Variants in VKORC1 observed in about 807,000 individuals in gnomAD.
VKORC1 encodes the protein vitamin K epoxide reductase complex subunit 1.
VKORC1 carries 12 observed loss-of-function variants against 14.8 expected under a neutral mutation model. The observed-to-expected ratio is 0.81, with a 90% CI of 0.52 to 1.31. The LOEUF is 1.31. VKORC1 is among the 50% of genes most tolerant of loss of function. The pLI is 0.00. For missense variants in VKORC1, 223 were observed against 215.3 expected (o/e 1.04, Z -0.22); for synonymous variants, 94 against 92.5 (o/e 1.02, Z -0.09).
At chr16:31,094,278 C>G in intron 1 of VKORC1, 1 of 1,612,934 alleles carries the variant, frequency 6.2e-7, no homozygotes, top group Non-Finnish European at 8.5e-7. Context: ...TACCGCCATC[C>G]TGCCTCCCCG....
chr16:31,092,839 G>C, intron 2 of VKORC1: 9 of 1,149,000 alleles, frequency 7.8e-6, no homozygotes, highest in Non-Finnish European at 1.0e-5. Context: ...CTTGAGACCA[G>C]CCTGGGCAAC....
At chr16:31,093,990 C>A in intron 1 of VKORC1, 1 of 650,212 alleles carries the variant, frequency 1.5e-6, no homozygotes, top group Non-Finnish European at 2.5e-6. Flanking sequence ...AGGAGTGGGC[C>A]ACCGCGCCCG....
At position 31,094,667 on chromosome 16, in the gene VKORC1, C is replaced by T. The variant is rs1596798501; in HGVS notation, c.63G>A (p.Val21=). 6.2e-7 allele frequency: 1 copy of T among 1,607,844 alleles called. No homozygotes were observed. The highest frequency in any genetic ancestry group is 1.3e-5 in the African/African-American group (1 of 74,908). Residue 21 remains valine, a synonymous_variant, in exon 1 of 3, where the codon GTG becomes GTA. Coordinates refer to ENST00000394975, the MANE Select transcript of VKORC1 (RefSeq NM_024006.6). ...VRLALCLTGL[V]LSLYALHVKA... is the part of the protein sequence containing the mutation. ...TCACGTGCAGCGCGTAGAGCGAGAG[C>T]ACTAAGCCCGTCAGGCAAAGAGCGA...
chr16:31,093,753 C>A (rs1238721371), intron 1 of VKORC1: 2 of 294,684 alleles, frequency 6.8e-6, no homozygotes, highest in Non-Finnish European at 1.2e-5. Flanking sequence ...CTGGCCCAGG[C>A]TGGAGTGCAG....
intron 1 of VKORC1, 163 bp downstream of exon 1, chr16:31,094,394 G>A: frequency 6.2e-7 from 1 of 1,612,812 alleles, no homozygotes. Context: ...CTCTTATTTC[G>A]AACACCAGTA....
Position 31,094,190 on chromosome 16 carries a change from G to A in VKORC1, c.173+367C>T, listed in dbSNP as rs771315601. ...TGGCCATCACGCACAGCCAGACCGG[G>A]CCACCTTGTTCCTGGGCGCAGCCAT... On this transcript the variant is annotated intron_variant, in intron 1 of 2. Transcript: ENST00000394975. The A allele has an allele frequency of 7.6e-6, 12 of 1,585,880 alleles. No individual in the cohort carries two copies. The Admixed American group carries it at 1.0e-4, about 13-fold the overall frequency.
intron 1 of VKORC1, chr16:31,093,699 CT>C (rs71151446): frequency 3.2e-3 from 218 of 67,900 alleles, no homozygotes; most frequent in South Asian, 9.5e-3. Context: ...AAGTAAGTCT[CT>C]TTTTTTTTTT....
At chr16:31,094,087 C>G (rs909998596) in intron 1 of VKORC1, 20 of 1,376,102 alleles carry the variant, frequency 1.5e-5, no homozygotes, top group Non-Finnish European at 1.9e-5. Context: ...GGCAGATTAT[C>G]TTTGCCCTGG....
chr16:31,093,816 C>G (rs1188026018), intron 1 of VKORC1: 1 of 256,228 alleles, frequency 3.9e-6, no homozygotes, highest in Non-Finnish European at 7.2e-6. Context: ...AAGCGATTCT[C>G]CTGCCTTAGC....
Position 31,093,431 on chromosome 16 carries a change from G to T in VKORC1, c.174-10C>A, listed in dbSNP as rs766549609. 2 of 1,614,130 alleles carry T rather than the reference G, an allele frequency of 1.2e-6. No individual in the cohort carries two copies. Among genetic ancestry groups the T allele is most frequent in the South Asian group, 2.2e-5 (2 of 91,084 alleles). On this transcript the variant is annotated splice_polypyrimidine_tract_variant and intron_variant, in intron 1 of 2. Transcript: ENST00000394975. ...GAAACCCCTGCCCCACCTGGCAGAG[G>T]GGTGGGGTGGGGTGGAACCAGGTTA...
At position 31,091,356 on chromosome 16, in the gene VKORC1, G is replaced by T; in HGVS notation, c.284-14C>A. 1.2e-6 allele frequency: 2 copies of T among 1,610,424 alleles called. No individual in the cohort carries two copies. Among genetic ancestry groups the T allele is most frequent in the South Asian group, 1.1e-5 (1 of 90,644 alleles). Reference sequence around the variant, plus strand: ...TCCGCAGGCAACCTGCAAGGCAGAAGAGGGTCCGGTGTGGGCTTCAGGCAC... The same window carrying T: ...TCCGCAGGCAACCTGCAAGGCAGAATAGGGTCCGGTGTGGGCTTCAGGCAC... On this transcript the variant is annotated splice_polypyrimidine_tract_variant and intron_variant, in intron 2 of 2. Coordinates refer to ENST00000394975, the MANE Select transcript of VKORC1 (RefSeq NM_024006.6).
rs200917074 is a variant in VKORC1 at position 31,093,410 on chromosome 16, C to A, written c.185G>T (p.Gly62Val). The A allele has an allele frequency of 6.2e-7, 1 of 1,614,194 alleles. No individual in the cohort carries two copies. The highest frequency in any genetic ancestry group is 8.5e-7 in the Non-Finnish European group (1 of 1,180,030). The change falls in exon 2 of 3, where the codon GGT (glycine) becomes GTT (valine). Residue 62 changes from glycine to valine, a missense_variant. Transcript: ENST00000394975. ...SRVFSSRWGR[G>V]FGLVEHVLGQ... is the part of the protein sequence containing the mutation. ...CAGCACATGCTCCACCAGCCCGAAACCCCTGCCCCACCTGGCAGAGGGGTG... is the reference window on the plus strand; with the variant it reads ...CAGCACATGCTCCACCAGCCCGAAAACCCTGCCCCACCTGGCAGAGGGGTG...
chr16:31,094,453 C>T (rs1265084465), intron 1 of VKORC1, 104 bp downstream of exon 1: 3 of 1,612,844 alleles, frequency 1.9e-6, no homozygotes, highest in Admixed American at 3.3e-5. Flanking sequence ...GCAGTCCAGC[C>T]CCGTGTCCGT....
At chr16:31,091,472 C>A in intron 2 of VKORC1, 130 bp from the exon 3 acceptor site, 2 of 1,514,226 alleles carry the variant, frequency 1.3e-6, no homozygotes, top group South Asian at 1.2e-5. Flanking sequence ...GGCTCCAGGG[C>A]AGATGTGGTG....
At chr16:31,092,051 G>A (rs991825313) in intron 2 of VKORC1, among the ~76,000 whole-genome samples, 4 of 151,736 alleles carry the variant, frequency 2.6e-5, no homozygotes, top group Non-Finnish European at 5.9e-5. Flanking sequence ...GGTGACACGC[G>A]CCTGTAGTCC....
At position 31,094,709 on chromosome 16, in the gene VKORC1, G is replaced by T; in HGVS notation, c.21C>A (p.Ser7Arg). 1 of 1,607,338 alleles carries T rather than the reference G, an allele frequency of 6.2e-7. No individual in the cohort carries two copies. The highest frequency in any genetic ancestry group is 8.5e-7 in the Non-Finnish European group (1 of 1,178,552). Residue 7 changes from serine to arginine, a missense_variant, in exon 1 of 3, where the codon AGC becomes AGA. Ser to Arg is a moderately radical substitution (Grantham distance 110, BLOSUM62 -1). Coordinates refer to ENST00000394975, the MANE Select transcript of VKORC1 (RefSeq NM_024006.6). ...AAAGAGCGAGCCGCACCCAGCCAGG[G>T]CTCCCCCAGGTGCTGCCCATTATCT... MGSTWG[S>R]PGWVRLALCL...
chr16:31,092,828 G>C (rs2057298133), intron 2 of VKORC1: 1 of 1,196,884 alleles, frequency 8.4e-7, no homozygotes, highest in African/African-American at 1.6e-5. Context: ...CAGACAGATT[G>C]CTTGAGACCA....
At position 31,093,432 on chromosome 16, in the gene VKORC1, G is replaced by A. The variant is rs1358609390; in HGVS notation, c.174-11C>T. On this transcript the variant is annotated splice_polypyrimidine_tract_variant and intron_variant, in intron 1 of 2. Transcript: ENST00000394975. Reference sequence around the variant, plus strand: ...AAACCCCTGCCCCACCTGGCAGAGGGGTGGGGTGGGGTGGAACCAGGTTAG... The same window carrying A: ...AAACCCCTGCCCCACCTGGCAGAGGAGTGGGGTGGGGTGGAACCAGGTTAG... The A allele has an allele frequency of 1.9e-6, 3 of 1,614,108 alleles. No homozygotes were observed. The highest frequency in any genetic ancestry group is 1.6e-4 in the Middle Eastern group (1 of 6,062).
intron 2 of VKORC1, chr16:31,092,789 A>T (rs1243851992): frequency 1.6e-6 from 2 of 1,279,088 alleles, no homozygotes; most frequent in African/African-American, 3.1e-5. Context: ...TCACGCCTGT[A>T]ATCCCCCCAG....
Sources: gnomAD v4.1 joint callset for allele counts (sites outside exome capture counted in the v4.1 genomes callset) on GRCh38, gnomAD v4.1.1 for gene constraint, MANE v1.5 for transcripts, NCBI Gene and HGNC (gene_info 2026-07-23, HGNC 2026-07-21) for gene names.